VSNL1: variants seen among roughly 807,000 people sequenced by gnomAD.
VSNL1 encodes visinin like 1.
In VSNL1, 6 loss-of-function variants were observed where a neutral mutation model predicts 20.4. That is an observed-to-expected ratio of 0.29 (90% confidence interval 0.16 to 0.58). The LOEUF is 0.58. VSNL1 is among the 20% of genes least tolerant of loss of function. The pLI is 0.90. For synonymous variants in VSNL1, 93 were observed against 86.4 expected, an observed-to-expected ratio of 1.08 and a Z score of -0.42; for missense variants, 100 against 234.5, an observed-to-expected ratio of 0.43 and a Z score of 3.75.
At chr2:17,619,985 G>T (rs1665319544) in intron 2 of VSNL1, among the ~76,000 whole-genome samples, 1 of 152,138 alleles carries the variant, frequency 6.6e-6, no homozygotes, top group African/African-American at 2.4e-5. Flanking sequence ...TAGGGGAAGG[G>T]CACTTGCCCT....
intron 2 of VSNL1, among the ~76,000 whole-genome samples, chr2:17,622,538 A>AAGAG (rs1491353644): frequency 2.7e-5 from 1 of 36,742 alleles, no homozygotes; most frequent in Non-Finnish European, 5.2e-5. Flanking sequence ...AAAGAAAAGA[A>AAGAG]AGAAAGAAAG....
At chr2:17,556,305 C>T (rs914897159) in intron 1 of VSNL1, among the ~76,000 whole-genome samples, 1 of 152,180 alleles carries the variant, frequency 6.6e-6, no homozygotes, top group Admixed American at 6.5e-5. Context: ...GTTTATTCAA[C>T]TGAACAACCA....
intron 2 of VSNL1, among the ~76,000 whole-genome samples, chr2:17,601,038 T>G (rs1202198334): frequency 6.6e-6 from 1 of 152,220 alleles, no homozygotes; most frequent in Admixed American, 6.5e-5. Flanking sequence ...TTTGGATGGC[T>G]TCCACACCTT....
intron 2 of VSNL1, among the ~76,000 whole-genome samples, chr2:17,594,458 C>A (rs573706505): frequency 3.4e-4 from 51 of 152,218 alleles, no homozygotes; most frequent in African/African-American, 1.2e-3. Context: ...AAGGAGAAGC[C>A]TGGAAAAAGA....
intron 1 of VSNL1, among the ~76,000 whole-genome samples, chr2:17,566,062 T>A (rs1005592045): frequency 4.7e-4 from 71 of 152,364 alleles, no homozygotes; most frequent in African/African-American, 1.4e-3. Context: ...CTCTTTTTTT[T>A]AATAAATTAT....
intron 1 of VSNL1, among the ~76,000 whole-genome samples, chr2:17,572,827 A>G (rs1283335164): frequency 2.0e-5 from 3 of 152,266 alleles, no homozygotes; most frequent in East Asian, 1.9e-4. Flanking sequence ...GGCAGTCCCT[A>G]TTCATCCACT....
At chr2:17,575,885 T>A (rs1337868464) in intron 1 of VSNL1, among the ~76,000 whole-genome samples, 2 of 152,236 alleles carry the variant, frequency 1.3e-5, no homozygotes, top group Non-Finnish European at 2.9e-5. Flanking sequence ...TATAAGTTAA[T>A]ATGATAACCT....
At chr2:17,644,156 G>A (rs1665943926) in intron 2 of VSNL1, among the ~76,000 whole-genome samples, 1 of 151,638 alleles carries the variant, frequency 6.6e-6, no homozygotes, top group Non-Finnish European at 1.5e-5. Flanking sequence ...TCCTATTCCT[G>A]GGGGAGGCCT....
chr2:17,631,375 T>C (rs992955171), intron 2 of VSNL1, among the ~76,000 whole-genome samples: 6 of 152,028 alleles, frequency 3.9e-5, no homozygotes, highest in Non-Finnish European at 5.9e-5. Context: ...TTCCAAAGGA[T>C]ATAAAAAAGA....
chr2:17,560,455 G>T (rs941252082), intron 1 of VSNL1, among the ~76,000 whole-genome samples: 1 of 151,974 alleles, frequency 6.6e-6, no homozygotes, highest in East Asian at 1.9e-4. Flanking sequence ...TATTCACAAA[G>T]GTATTTCATT....
chr2:17,545,408 C>G (rs1001689864), intron 1 of VSNL1, among the ~76,000 whole-genome samples: 1 of 151,828 alleles, frequency 6.6e-6, no homozygotes, highest in African/African-American at 2.4e-5. Flanking sequence ...CATGTTTATC[C>G]TTTTTGTCTC....
chr2:17,566,001 G>T (rs561379820), intron 1 of VSNL1, among the ~76,000 whole-genome samples: 2 of 152,224 alleles, frequency 1.3e-5, no homozygotes, highest in South Asian at 4.1e-4. Flanking sequence ...TGCTGTGATT[G>T]TAAGTTTCCT....
At chr2:17,561,601 A>T (rs1033569652) in intron 1 of VSNL1, among the ~76,000 whole-genome samples, 11 of 152,342 alleles carry the variant, frequency 7.2e-5, no homozygotes, top group African/African-American at 2.2e-4. Context: ...TTTTCAAAAG[A>T]TACTTTTGGA....
At chr2:17,633,098 G>A (rs1665672097) in intron 2 of VSNL1, among the ~76,000 whole-genome samples, 2 of 152,204 alleles carry the variant, frequency 1.3e-5, no homozygotes, top group Admixed American at 1.3e-4. Flanking sequence ...TCTCACAATC[G>A]TGGCTGAAGG....
chr2:17,618,875 C>T (rs1021779631), intron 2 of VSNL1, among the ~76,000 whole-genome samples: 2 of 152,174 alleles, frequency 1.3e-5, no homozygotes, highest in African/African-American at 4.8e-5. Context: ...GAGGGAATGG[C>T]TCCAGGCATA....
intron 1 of VSNL1, chr2:17,567,681 C>T (rs1663985648): frequency 6.6e-6 from 1 of 152,050 alleles, no homozygotes; most frequent in African/African-American, 2.4e-5. Flanking sequence ...TTTTTAACGT[C>T]ACTTTGCTAT....
rs527383394 is a variant in VSNL1, at chr2:17,558,695, T to C, written c.-6+17777T>C. 2.0e-5 allele frequency among the ~76,000 whole-genome samples: 3 copies of C among 152,322 alleles called. No homozygotes were observed. In the East Asian group the frequency reaches 5.8e-4, roughly 29 times the overall value. Reference sequence around the variant, plus strand: ...AGTCAATACACAGCTATTATTATTGTTATCATTGTCATTATTATGATCATT... The same window carrying C: ...AGTCAATACACAGCTATTATTATTGCTATCATTGTCATTATTATGATCATT... On this transcript the variant is annotated intron_variant, in intron 1 of 3. Transcript: ENST00000295156.
At chr2:17,580,100 G>A (rs1014206718) in intron 1 of VSNL1, among the ~76,000 whole-genome samples, 4 of 152,192 alleles carry the variant, frequency 2.6e-5, no homozygotes, top group African/African-American at 9.7e-5. Flanking sequence ...TATGTAAGAT[G>A]TGAGATAGGA....
intron 1 of VSNL1, among the ~76,000 whole-genome samples, chr2:17,577,735 C>T (rs1056457237): frequency 9.2e-5 from 14 of 152,126 alleles, no homozygotes; most frequent in African/African-American, 3.4e-4. Flanking sequence ...AGAGTTCCCT[C>T]ACTTGGGGAA....
Sources: gnomAD v4.1 joint callset for allele counts (sites outside exome capture counted in the v4.1 genomes callset) on GRCh38, gnomAD v4.1.1 for gene constraint, MANE v1.5 for transcripts, NCBI Gene and HGNC (gene_info 2026-07-23, HGNC 2026-07-21) for gene names.